Variants in CAP1 observed in about 807,000 individuals in gnomAD.
CAP1 encodes cyclase associated actin cytoskeleton regulatory protein 1.
CAP1 carries 11 observed loss-of-function variants against 58.2 expected under a neutral mutation model. That is an observed-to-expected ratio of 0.19 (90% CI 0.12 to 0.31). The LOEUF (loss-of-function observed/expected upper bound fraction) is 0.31. Among genes scored for constraint, CAP1 ranks in the 10% least tolerant of loss-of-function variants. The pLI, the probability that CAP1 is intolerant of heterozygous loss-of-function variation, is 1.00. For missense variants in CAP1, 423 were observed against 587.5 expected (o/e 0.72, Z 2.89); for synonymous variants, 183 against 213.8 (o/e 0.86, Z 1.26).
intron 1 of CAP1, among the ~76,000 whole-genome samples, chr1:40,043,046 C>A (rs751903705): frequency 5.3e-5 from 8 of 152,084 alleles, no homozygotes; most frequent in Non-Finnish European, 8.8e-5. Context: ...GCAAAGATGT[C>A]TAATAAGGTG....
chr1:40,064,693 A>C, intron 6 of CAP1, 134 bp downstream of exon 6: 1 of 695,116 alleles, frequency 1.4e-6, no homozygotes, highest in South Asian at 1.6e-5. Context: ...CTCCCACCTC[A>C]GTCCTCCAAG....
chr1:40,070,199 C>T lies in CAP1; in HGVS notation c.1034C>T (p.Thr345Ile). ...GTTTCCAACCTGGTGATTGAGGACA[C>T]AGAGCTGAAACAGGTGGCTTACATA... The part of the protein sequence containing the change: ...ENVSNLVIED[T>I]ELKQVAYIYK... The change falls in exon 10 of 13, where the codon ACA becomes ATA. Residue 345 changes from threonine to isoleucine, a missense_variant. Thr to Ile is a moderately conservative substitution (Grantham distance 89). Transcript: ENST00000372805. 6.2e-7 allele frequency: 1 copy of T among 1,614,186 alleles called. No individual in the cohort carries two copies. The highest frequency in any genetic ancestry group is 8.5e-7 in the Non-Finnish European group (1 of 1,180,014).
intron 1 of CAP1, chr1:40,041,356 C>T (rs1295402537): frequency 1.2e-4 from 18 of 151,958 alleles, no homozygotes; most frequent in Non-Finnish European, 1.6e-4. Flanking sequence ...TTTTTTCTCT[C>T]CTCCCAAATT....
At chr1:40,052,784 T>C (rs1265178101) in intron 1 of CAP1, among the ~76,000 whole-genome samples, 4 of 151,840 alleles carry the variant, frequency 2.6e-5, no homozygotes, top group Non-Finnish European at 5.9e-5. Context: ...TGGAGAAAAT[T>C]GAAAGCAGAA....
chr1:40,071,341 C>T (rs1298029857), intron 12 of CAP1, 109 bp from the exon 13 acceptor site: 9 of 742,040 alleles, frequency 1.2e-5, no homozygotes, highest in Non-Finnish European at 1.9e-5. Flanking sequence ...CTACATTGTA[C>T]CGTGCTCCTG....
At chr1:40,041,581 C>G (rs1376220738) in intron 1 of CAP1, 9 of 152,240 alleles carry the variant, frequency 5.9e-5, no homozygotes, top group Non-Finnish European at 1.3e-4. Flanking sequence ...CCTTAAACTT[C>G]TTTCAGCCTC....
intron 6 of CAP1, 58 bp downstream of exon 6, chr1:40,064,617 C>T (rs868610946): frequency 8.2e-6 from 11 of 1,345,536 alleles, no homozygotes; most frequent in Non-Finnish European, 1.1e-5. Flanking sequence ...TGCGTTGTCA[C>T]CCAGGCTGAA....
chr1:40,058,985 C>T (rs2124337073), intron 1 of CAP1, among the ~76,000 whole-genome samples: 1 of 135,044 alleles, frequency 7.4e-6, no homozygotes, highest in East Asian at 2.5e-4. Context: ...TCGGGAGGCT[C>T]AAACTGAGAT....
rs72214452 is a variant in CAP1, at chr1:40,049,178, A to ATTTTTTT, written c.-11+8397_-11+8403dup. 8.7e-4 allele frequency among the ~76,000 whole-genome samples: 74 copies of ATTTTTTT among 84,886 alleles called. 4 individuals are homozygous for ATTTTTTT. The highest frequency in any genetic ancestry group is 3.5e-3 in the South Asian group (7 of 1,972). The allele number at this position is 84,886 out of a possible 152,430, so 55.7% of individuals were successfully genotyped here. A position where few individuals can be genotyped will look rare whatever the true frequency, so the allele number is the denominator to read the frequency against. Reference sequence around the variant, plus strand: ...TGGCAGGAATCACTAGCCATTTCTAATTTTTTTTTTTTTTTTTTTTTTTTT... The same window carrying ATTTTTTT: ...TGGCAGGAATCACTAGCCATTTCTAATTTTTTTTTTTTTTTTTTTTTTTTTTTTTTTT... On this transcript the variant is annotated intron_variant, in intron 1 of 12. Transcript: ENST00000372805.
At chr1:40,057,029 A>T (rs1646648298) in intron 1 of CAP1, among the ~76,000 whole-genome samples, 1 of 152,214 alleles carries the variant, frequency 6.6e-6, no homozygotes, top group African/African-American at 2.4e-5. Flanking sequence ...TAGCTTGTTT[A>T]GCAGTGAAAG....
intron 5 of CAP1, 48 bp from the exon 6 acceptor site, chr1:40,064,420 GAAGGCA>G: frequency 5.0e-6 from 8 of 1,613,156 alleles, no homozygotes; most frequent in Non-Finnish European, 6.8e-6. Flanking sequence ...TTTTAAGAGG[GAAGGCA>G]ATATAGTTGG....
intron 1 of CAP1, chr1:40,057,545 A>T (rs975343956): frequency 6.6e-6 from 1 of 152,028 alleles, no homozygotes; most frequent in Non-Finnish European, 1.5e-5. Context: ...TCTTTTAAAC[A>T]ACACTCTCTG....
intron 4 of CAP1, 60 bp from the exon 5 acceptor site, chr1:40,064,167 A>G (rs1206851055): frequency 1.5e-5 from 24 of 1,554,874 alleles, no homozygotes; most frequent in Non-Finnish European, 8.8e-7. Flanking sequence ...CAGGATCAGA[A>G]GGCATAGACA....
chr1:40,063,280 T>C (rs1218921931), intron 4 of CAP1, among the ~76,000 whole-genome samples: 1 of 152,126 alleles, frequency 6.6e-6, no homozygotes, highest in Middle Eastern at 3.2e-3. Context: ...CAGGCTCAAG[T>C]GATTCTCCCA....
At chr1:40,064,869 G>T (rs1276456993) in intron 6 of CAP1, among the ~76,000 whole-genome samples, 1 of 152,162 alleles carries the variant, frequency 6.6e-6, no homozygotes, top group Admixed American at 6.5e-5. Flanking sequence ...GCCAAGTTCA[G>T]CTTTTTCTCA....
At chr1:40,041,729 C>A (rs1480702425) in intron 1 of CAP1, among the ~76,000 whole-genome samples, 1 of 152,190 alleles carries the variant, frequency 6.6e-6, no homozygotes, top group East Asian at 1.9e-4. Context: ...GTAGACCCTG[C>A]CCGCGTGGAG....
At chr1:40,045,685 A>G (rs1053890583) in intron 1 of CAP1, among the ~76,000 whole-genome samples, 1 of 152,042 alleles carries the variant, frequency 6.6e-6, no homozygotes, top group Admixed American at 6.5e-5. Context: ...CCTCCTGAGT[A>G]GCTGGGACTA....
intron 3 of CAP1, among the ~76,000 whole-genome samples, 160 bp downstream of exon 3, chr1:40,060,330 C>G (rs920197299): frequency 6.6e-6 from 1 of 152,126 alleles, no homozygotes; most frequent in Non-Finnish European, 1.5e-5. Flanking sequence ...GGAGTTCAGT[C>G]TAGCCACAGA....
chr1:40,068,841 A>T (rs201794456), intron 8 of CAP1, among the ~76,000 whole-genome samples: 62 of 102,140 alleles, frequency 6.1e-4, no homozygotes, highest in South Asian at 2.0e-3. Context: ...ATTTTATTTT[A>T]TTTTTTTTGA....
Sources: gnomAD v4.1 joint callset for allele counts (sites outside exome capture counted in the v4.1 genomes callset) on GRCh38, gnomAD v4.1.1 for gene constraint, MANE v1.5 for transcripts, NCBI Gene and HGNC (gene_info 2026-07-23, HGNC 2026-07-21) for gene names.